Variants in PARD3B observed in about 807,000 individuals in gnomAD.
PARD3B encodes partitioning defective 3 homolog B.
A neutral mutation model predicts 130.2 loss-of-function variants in PARD3B; 103 were observed. That is an observed-to-expected ratio of 0.79 (90% CI 0.67 to 0.93). The LOEUF is 0.93. Ranked by LOEUF, PARD3B falls within the 40% of genes least tolerant of loss-of-function variation. The pLI is 0.00. For missense variants in PARD3B, 1,609 were observed against 1,499.2 expected (o/e 1.07, Z -1.21); for synonymous variants, 583 against 553.2 (o/e 1.05, Z -0.76).
intron 1 of PARD3B, 155 bp downstream of exon 1, chr2:204,546,274 G>A: frequency 9.2e-7 from 1 of 1,082,264 alleles, no homozygotes; most frequent in East Asian, 2.7e-5. Context: ...CAGTGATGTG[G>A]GTGTCTTTGG....
At chr2:204,908,597 A>G (rs1270374973) in intron 2 of PARD3B, among the ~76,000 whole-genome samples, 1 of 152,244 alleles carries the variant, frequency 6.6e-6, no homozygotes, top group Non-Finnish European at 1.5e-5. Flanking sequence ...ACAAAAGTCT[A>G]TGAGATACAA....
In PARD3B at chr2:205,525,846, A is replaced by G. The variant is rs766467020; in HGVS notation, c.3180+25815A>G. Among the ~76,000 whole-genome samples the G allele has an allele frequency of 1.3e-4, 20 of 152,300 alleles. No homozygotes were observed. Among genetic ancestry groups the G allele is most frequent in the Admixed American group, 5.9e-4 (9 of 15,304 alleles). On this transcript the variant is annotated intron_variant, in intron 21 of 22. Coordinates refer to ENST00000406610, the MANE Select transcript of PARD3B (RefSeq NM_001302769.2). The surrounding 1 kb of genome is among the most constrained non-coding windows in gnomAD (Gnocchi z 4.2). Reference sequence around the variant, plus strand: ...AGATATGATTACTTGGATTCTGCCTATGGGTCCACGTTGTGTACCCAGTCC... The same window carrying G: ...AGATATGATTACTTGGATTCTGCCTGTGGGTCCACGTTGTGTACCCAGTCC...
intron 2 of PARD3B, among the ~76,000 whole-genome samples, chr2:204,709,122 TC>T (rs1456083099): frequency 2.6e-5 from 4 of 152,194 alleles, no homozygotes; most frequent in African/African-American, 9.6e-5. Flanking sequence ...TATAGTTTAT[TC>T]CTAGATTATC....
chr2:204,852,588 TGG>T (rs2044754496), intron 2 of PARD3B, among the ~76,000 whole-genome samples: 1 of 152,148 alleles, frequency 6.6e-6, no homozygotes, highest in African/African-American at 2.4e-5. Flanking sequence ...CTTTAACCAG[TGG>T]ATTTCTAGGG....
intron 1 of PARD3B, among the ~76,000 whole-genome samples, chr2:204,607,483 G>A (rs1006274570): frequency 6.6e-6 from 1 of 152,142 alleles, no homozygotes; most frequent in African/African-American, 2.4e-5. Flanking sequence ...TAAGGCTTCT[G>A]TTAAACTTGT....
chr2:204,732,047 C>T (rs1380457559), intron 2 of PARD3B, among the ~76,000 whole-genome samples: 1 of 151,152 alleles, frequency 6.6e-6, no homozygotes, highest in Non-Finnish European at 1.5e-5. Context: ...TTAGCCATAA[C>T]TCACCATTCC....
intron 2 of PARD3B, among the ~76,000 whole-genome samples, chr2:204,763,230 G>C (rs1443414342): frequency 6.6e-6 from 1 of 152,198 alleles, no homozygotes; most frequent in African/African-American, 2.4e-5. Context: ...CAGCACTGCT[G>C]TTGTTCTATC....
chr2:205,531,311 A>G (rs796961013), intron 21 of PARD3B, among the ~76,000 whole-genome samples: 6 of 152,296 alleles, frequency 3.9e-5, no homozygotes, highest in South Asian at 2.1e-4. Context: ...AGAGAGAAAC[A>G]TGAAGCAGGA....
intron 1 of PARD3B, 72 bp downstream of exon 1, chr2:204,546,191 C>T (rs1298044081): frequency 1.9e-6 from 3 of 1,540,396 alleles, no homozygotes; most frequent in Non-Finnish European, 2.6e-6. Context: ...GGTGGCGACA[C>T]TCAGGGGATG....
intron 2 of PARD3B, among the ~76,000 whole-genome samples, chr2:204,731,671 G>C (rs967587493): frequency 1.3e-5 from 2 of 152,076 alleles, no homozygotes; most frequent in Admixed American, 1.3e-4. Flanking sequence ...CTGAAGCCAG[G>C]TTACAATCAT....
At chr2:205,345,083 C>T (rs1284678319) in intron 18 of PARD3B, among the ~76,000 whole-genome samples, 1 of 152,112 alleles carries the variant, frequency 6.6e-6, no homozygotes, top group Non-Finnish European at 1.5e-5. Flanking sequence ...CTTTTCCTCA[C>T]CCATTTGCAA....
At chr2:205,231,913 C>G (rs1434600367) in intron 15 of PARD3B, among the ~76,000 whole-genome samples, 1 of 152,158 alleles carries the variant, frequency 6.6e-6, no homozygotes, top group Non-Finnish European at 1.5e-5. Context: ...CAAAAGGATT[C>G]AAGAAGCAGT....
chr2:205,355,871 G>T (rs2044173151), intron 18 of PARD3B, among the ~76,000 whole-genome samples: 1 of 152,124 alleles, frequency 6.6e-6, no homozygotes. Context: ...GAAGGGGGAA[G>T]AGCCCCTTAT....
intron 18 of PARD3B, among the ~76,000 whole-genome samples, chr2:205,355,212 C>T (rs1182723907): frequency 1.3e-5 from 2 of 152,266 alleles, no homozygotes; most frequent in African/African-American, 4.8e-5. Context: ...TTTCATTTTT[C>T]ACCGGACCTC....
intron 21 of PARD3B, among the ~76,000 whole-genome samples, chr2:205,519,788 G>T (rs1333584265): frequency 3.3e-5 from 5 of 152,180 alleles, no homozygotes; most frequent in Non-Finnish European, 7.3e-5. Context: ...CTAAGGCTTT[G>T]TGCAGGGTCT....
intron 3 of PARD3B, among the ~76,000 whole-genome samples, chr2:205,041,674 A>G (rs1698405745): frequency 6.6e-6 from 1 of 151,942 alleles, no homozygotes; most frequent in Non-Finnish European, 1.5e-5. Context: ...AAATGACACC[A>G]ATATTGGTGA....
intron 18 of PARD3B, among the ~76,000 whole-genome samples, chr2:205,349,846 G>C (rs528837706): frequency 2.1e-5 from 3 of 144,128 alleles, no homozygotes; most frequent in South Asian, 4.4e-4. Flanking sequence ...AAAAGGAGGA[G>C]AGTGATATTG....
chr2:205,281,195 T>TA lies in PARD3B; in HGVS notation c.2186-19334dup, dbSNP rs886722573. Among the ~76,000 whole-genome samples the TA allele has an allele frequency of 1.8e-4, 27 of 152,298 alleles. No individual in the cohort carries two copies. Among genetic ancestry groups the TA allele is most frequent in the African/African-American group, 6.0e-4 (25 of 41,554 alleles). On this transcript the variant is annotated intron_variant, in intron 16 of 22. Transcript: ENST00000406610. The surrounding 1 kb of genome is among the most constrained non-coding windows in gnomAD (Gnocchi z 4.2). ...AGGGTATAAGATTCCATGACTGTGA[T>TA]AGCAGACAGGTGCAAGAAAGAAGGG... is the stretch of plus-strand genomic sequence containing the variant.
At chr2:204,997,353 A>G (rs1057027930) in intron 3 of PARD3B, among the ~76,000 whole-genome samples, 7 of 152,222 alleles carry the variant, frequency 4.6e-5, no homozygotes, top group African/African-American at 1.7e-4. Context: ...CATTCTTACA[A>G]TACTGAGTCT....
Sources: allele counts gnomAD v4.1 joint callset (sites outside exome capture counted in the v4.1 genomes callset), GRCh38; gene constraint gnomAD v4.1.1; non-coding constraint Gnocchi (gnomAD v3.1); transcripts MANE v1.5; gene names NCBI Gene and HGNC (gene_info 2026-07-23, HGNC 2026-07-21).